The following INTS2 variants were observed in gnomAD, a reference collection of about 807,000 sequenced individuals.
INTS2 encodes integrator complex subunit 2, also known as KIAA1287.
A neutral mutation model predicts 139.6 loss-of-function variants in INTS2; 57 were observed. The ratio of observed to expected loss-of-function variants is 0.41; its 90% CI spans 0.33 to 0.51. The LOEUF is 0.51. Ranked by LOEUF, INTS2 falls within the 20% of genes least tolerant of loss-of-function variation. The pLI, the probability that INTS2 is intolerant of heterozygous loss-of-function variation, is 0.28. For missense variants in INTS2, 1,196 were observed against 1,436.7 expected (o/e 0.83, Z 2.71); for synonymous variants, 473 against 493.4 (o/e 0.96, Z 0.55).
In INTS2 at chr17:61,872,618, G is replaced by A. The variant is rs1284152216; in HGVS notation, c.2583-158C>T. Among the ~76,000 whole-genome samples, 1 of 152,016 alleles carries A rather than the reference G, an allele frequency of 6.6e-6. No homozygotes were observed. The highest frequency in any genetic ancestry group is 2.4e-5 in the African/African-American group (1 of 41,380). ...ATTCATTCTCAAAAGTTTAATATAT[G>A]TTTCTTATTCTCTGTATTTCAAGCC... On this transcript the variant is annotated intron_variant, in intron 19 of 24. Transcript: ENST00000251334. This position sits in a 1 kb window ranked among gnomAD's most constrained non-coding sequence, Gnocchi z 4.8.
At chr17:61,921,110 A>G (rs765536716) in intron 4 of INTS2, 9 of 152,140 alleles carry the variant, frequency 5.9e-5, no homozygotes, top group Admixed American at 3.9e-4. Context: ...TTTTATTTCT[A>G]TCATTCACAC....
rs2079066721 is a variant in INTS2, at chr17:61,868,902, C to CT, written c.3244+131dup. ...AATTCAAAAGACGGCATAAGTTAAA[C>CT]TAGTATTTAACACATATTGTATCAT... On this transcript the variant is annotated intron_variant, in intron 23 of 24. Transcript: ENST00000251334. The surrounding 1 kb of genome is among the most constrained non-coding windows in gnomAD (Gnocchi z 4.7). 1.7e-6 allele frequency: 1 copy of CT among 575,602 alleles called. No homozygotes were observed. The highest frequency in any genetic ancestry group is 3.1e-6 in the Non-Finnish European group (1 of 325,000). The allele number at this position is 575,602 out of a possible 1,614,324, so 35.7% of individuals were successfully genotyped here.
chr17:61,891,187 C>G (rs191663504), intron 14 of INTS2, among the ~76,000 whole-genome samples: 9 of 151,640 alleles, frequency 5.9e-5, no homozygotes, highest in African/African-American at 2.2e-4. Context: ...CCTAGCTACT[C>G]GAGAGACTGA....
intron 13 of INTS2, among the ~76,000 whole-genome samples, chr17:61,892,466 A>G (rs2079304555): frequency 6.6e-6 from 1 of 152,186 alleles, no homozygotes; most frequent in Non-Finnish European, 1.5e-5. Flanking sequence ...ACAAATCAAC[A>G]AATACTAGTC....
At chr17:61,898,156 A>G (rs1006930872) in intron 9 of INTS2, among the ~76,000 whole-genome samples, 5 of 152,228 alleles carry the variant, frequency 3.3e-5, no homozygotes, top group Non-Finnish European at 7.3e-5. Flanking sequence ...AACAGTAATG[A>G]GCAGTCCATC....
At chr17:61,914,873 CA>C (rs749701339) in intron 5 of INTS2, among the ~76,000 whole-genome samples, 1,293 of 116,572 alleles carry the variant, frequency 0.011, 8 homozygotes, top group African/African-American at 0.03. Flanking sequence ...GACACTATCT[CA>C]AAAAAAAAAA....
At chr17:61,886,239 C>T (rs1271469013) in intron 15 of INTS2, among the ~76,000 whole-genome samples, 4 of 152,020 alleles carry the variant, frequency 2.6e-5, no homozygotes, top group Non-Finnish European at 5.9e-5. Context: ...TTAGTAGAGA[C>T]GGGGTTTCGC....
At chr17:61,915,536 A>AC (rs1174240122) in intron 5 of INTS2, among the ~76,000 whole-genome samples, 7 of 145,508 alleles carry the variant, frequency 4.8e-5, no homozygotes, top group Non-Finnish European at 7.6e-5. Flanking sequence ...AAAAAAAAAA[A>AC]GTCCGGGCGC....
At chr17:61,902,555 C>A (rs1231435042) in intron 9 of INTS2, among the ~76,000 whole-genome samples, 1 of 151,840 alleles carries the variant, frequency 6.6e-6, no homozygotes, top group Non-Finnish European at 1.5e-5. Flanking sequence ...AATTTTAGAA[C>A]CTGTTCAGCA....
chr17:61,918,072 G>A (rs2079601194), intron 5 of INTS2, among the ~76,000 whole-genome samples: 1 of 152,116 alleles, frequency 6.6e-6, no homozygotes, highest in South Asian at 2.1e-4. Context: ...ATTATGTCTG[G>A]AGACATCAAA....
intron 2 of INTS2, among the ~76,000 whole-genome samples, chr17:61,925,645 C>T (rs779946772): frequency 6.6e-6 from 1 of 151,954 alleles, no homozygotes; most frequent in Non-Finnish European, 1.5e-5. Context: ...CTCACTTCCA[C>T]TGATGGTGGC....
intron 12 of INTS2, 138 bp downstream of exon 12, chr17:61,895,177 T>C: frequency 1.7e-6 from 1 of 587,432 alleles, no homozygotes; most frequent in South Asian, 2.3e-5. Flanking sequence ...TTAAGAAAGT[T>C]TCAAAGATGA....
In INTS2 at chr17:61,884,954, A is replaced by G; in HGVS notation, c.2036T>C (p.Ile679Thr). The G allele has an allele frequency of 1.2e-6, 2 of 1,609,078 alleles. No homozygotes were observed. Among genetic ancestry groups the G allele is most frequent in the Non-Finnish European group, 1.7e-6 (2 of 1,177,454 alleles). ...CTGTCGAATAAGGAATTTGATAGGA[A>G]TCTGATCCATTAAAGAAGAAGAATA... Reference protein sequence around the residue: ...KSYSSSLMDQIPIKFLIRQAQ... With the variant: ...KSYSSSLMDQTPIKFLIRQAQ... The change falls in exon 16 of 25, where the codon ATT (isoleucine) becomes ACT (threonine). Residue 679 changes from isoleucine (I) to threonine (T), a missense_variant. Transcript: ENST00000251334.
intron 9 of INTS2, among the ~76,000 whole-genome samples, chr17:61,902,613 C>T (rs1319685180): frequency 1.3e-5 from 2 of 151,878 alleles, no homozygotes; most frequent in African/African-American, 4.8e-5. Context: ...GTGGCTCACC[C>T]CTGTAAACCC....
At chr17:61,917,141 G>A (rs1247387540) in intron 5 of INTS2, among the ~76,000 whole-genome samples, 1 of 152,192 alleles carries the variant, frequency 6.6e-6, no homozygotes, top group Non-Finnish European at 1.5e-5. Flanking sequence ...AATAATAGGT[G>A]CTAGCGAGGC....
chr17:61,917,407 A>C (rs2079593838), intron 5 of INTS2, among the ~76,000 whole-genome samples: 1 of 152,250 alleles, frequency 6.6e-6, no homozygotes, highest in South Asian at 2.1e-4. Flanking sequence ...CAGTGGATTA[A>C]ATAAAATGTA....
At position 61,875,039 on chromosome 17, in the gene INTS2, C is replaced by G. The variant is rs1567889399; in HGVS notation, c.2457-1G>C. ...TGCATTAACCGTCATTACCCATAGC[C>G]TGATAAGAAAATAATCACATGTTCA... On this transcript the variant is annotated splice_acceptor_variant, in intron 18 of 24. Coordinates refer to ENST00000251334, the MANE Select transcript of INTS2 (RefSeq NM_001351695.2). LOFTEE classifies it high-confidence loss of function. This position sits in a 1 kb window ranked among gnomAD's most constrained non-coding sequence, Gnocchi z 4.6. 6.3e-7 allele frequency: 1 copy of G among 1,580,086 alleles called. No individual in the cohort carries two copies. The highest frequency in any genetic ancestry group is 1.2e-5 in the South Asian group (1 of 85,510).
At chr17:61,923,493 A>AG (rs2079673467) in intron 3 of INTS2, among the ~76,000 whole-genome samples, 1 of 151,358 alleles carries the variant, frequency 6.6e-6, no homozygotes, top group East Asian at 1.9e-4. Flanking sequence ...AAAAAAAAAA[A>AG]AAAAAAAAAC....
chr17:61,902,643 G>T (rs76625001), intron 9 of INTS2, among the ~76,000 whole-genome samples: 1,528 of 151,988 alleles, frequency 0.01, 18 homozygotes, highest in African/African-American at 0.034. Flanking sequence ...AGAGACTGAG[G>T]TGGGAGGACT....
Sources: allele counts gnomAD v4.1 joint callset (sites outside exome capture counted in the v4.1 genomes callset), GRCh38; gene constraint gnomAD v4.1.1; non-coding constraint Gnocchi (gnomAD v3.1); transcripts MANE v1.5; gene names NCBI Gene and HGNC (gene_info 2026-07-23, HGNC 2026-07-21).